Variants in IL1RAPL2 observed in about 807,000 individuals in gnomAD.
IL1RAPL2 encodes the protein X-linked interleukin-1 receptor accessory protein-like 2.
In IL1RAPL2, 3 loss-of-function variants were observed where a neutral mutation model predicts 44.1. The ratio of observed to expected loss-of-function variants is 0.07; its 90% CI spans 0.03 to 0.18. The LOEUF is 0.18. IL1RAPL2 is among the 10% of genes least tolerant of loss of function. The probability of loss-of-function intolerance (pLI) is 1.00; values close to 1 mark genes in which losing one functional copy is unlikely to be tolerated. For missense variants in IL1RAPL2, 391 were observed against 496.4 expected (o/e 0.79, Z 2.02); for synonymous variants, 181 against 178.8 (o/e 1.01, Z -0.10).
chrX:104,967,538 T>G (rs1388073208), intron 2 of IL1RAPL2, among the ~76,000 whole-genome samples: 11 of 108,544 alleles, frequency 1.0e-4, no homozygotes, highest in Non-Finnish European at 2.1e-4. Flanking sequence ...AAAAAGAAAA[T>G]AAGAGGAGGA....
chrX:104,780,604 C>T (rs1932765676), intron 2 of IL1RAPL2, among the ~76,000 whole-genome samples: 1 of 111,600 alleles, frequency 9.0e-6, no homozygotes. Context: ...TTGATGTTCT[C>T]CCTCTCTATT....
At chrX:105,112,389 C>T (rs1329736302) in intron 2 of IL1RAPL2, among the ~76,000 whole-genome samples, 1 of 112,052 alleles carries the variant, frequency 8.9e-6, no homozygotes, top group Non-Finnish European at 1.9e-5. Context: ...CACAAATATG[C>T]AAATATGTAC....
intron 2 of IL1RAPL2, among the ~76,000 whole-genome samples, chrX:104,967,499 A>G (rs1469417479): frequency 2.0e-5 from 2 of 98,838 alleles, no homozygotes; most frequent in African/African-American, 7.3e-5. Context: ...AAAGTTAGCA[A>G]AAGAACAAAA....
At chrX:104,748,209 C>A (rs1269906008) in intron 2 of IL1RAPL2, among the ~76,000 whole-genome samples, 1 of 111,382 alleles carries the variant, frequency 9.0e-6, no homozygotes, top group African/African-American at 3.3e-5. Flanking sequence ...AAGGACCATG[C>A]TAACTAAGCT....
At chrX:104,915,553 G>A (rs2147686666) in intron 2 of IL1RAPL2, among the ~76,000 whole-genome samples, 1 of 110,680 alleles carries the variant, frequency 9.0e-6, no homozygotes. Flanking sequence ...CTTTTGCTGT[G>A]CAGAAGCTCT....
chrX:105,687,455 T>C (rs210425), intron 6 of IL1RAPL2, among the ~76,000 whole-genome samples: 51,762 of 110,219 alleles, frequency 0.47, 10,193 homozygotes, highest in African/African-American at 0.75. Context: ...AATACCTCTA[T>C]GCAAATAAAC....
At chrX:104,801,907 A>G (rs191454508) in intron 2 of IL1RAPL2, among the ~76,000 whole-genome samples, 4 of 111,579 alleles carry the variant, frequency 3.6e-5, no homozygotes, top group Non-Finnish European at 7.5e-5. Flanking sequence ...TACAACAAAT[A>G]TTTTTTCTCA....
intron 2 of IL1RAPL2, among the ~76,000 whole-genome samples, chrX:104,727,517 C>T (rs1476433656): frequency 9.0e-6 from 1 of 111,306 alleles, no homozygotes; most frequent in Non-Finnish European, 1.9e-5. Flanking sequence ...TTATGGAAAA[C>T]GGTATGTAGA....
intron 5 of IL1RAPL2, among the ~76,000 whole-genome samples, chrX:105,428,969 G>T (rs1434895354): frequency 9.0e-6 from 1 of 111,296 alleles, no homozygotes; most frequent in Non-Finnish European, 1.9e-5. Flanking sequence ...ATGGAGACAC[G>T]TTCTGCCCCA....
chrX:104,954,153 C>T (rs1005611581), intron 2 of IL1RAPL2, among the ~76,000 whole-genome samples: 1 of 112,092 alleles, frequency 8.9e-6, no homozygotes, highest in Non-Finnish European at 1.9e-5. Flanking sequence ...AGAAAAACTG[C>T]GTTACCTTGA....
chrX:104,761,911 CCTTCTCCTTCTCCTTCTTCTTCTT>C (rs1569309869), intron 2 of IL1RAPL2, among the ~76,000 whole-genome samples: 66 of 40,649 alleles, frequency 1.6e-3, no homozygotes, highest in Admixed American at 3.4e-3. Flanking sequence ...TTCTCCTTCT[CCTTCTCCTTCTCCTTCTTCTTCTT>C]CTTCTTCTTC....
At chrX:105,263,647 C>T (rs759013608) in intron 4 of IL1RAPL2, among the ~76,000 whole-genome samples, 12 of 111,012 alleles carry the variant, frequency 1.1e-4, no homozygotes, top group Non-Finnish European at 1.7e-4. Context: ...ACTACTGGCA[C>T]GGGACATTTG....
At chrX:104,931,993 TATA>T (rs1348731642) in intron 2 of IL1RAPL2, among the ~76,000 whole-genome samples, 4 of 32,386 alleles carry the variant, frequency 1.2e-4, no homozygotes, top group African/African-American at 2.9e-4. Context: ...TATATATATA[TATA>T]TTTTTTTTTT....
chrX:104,752,321 T>C (rs1159706916), intron 2 of IL1RAPL2, among the ~76,000 whole-genome samples: 10 of 110,181 alleles, frequency 9.1e-5, no homozygotes, highest in African/African-American at 3.3e-4. Flanking sequence ...GAGGCTCTAA[T>C]TGATTTTGAA....
chrX:105,655,700 T>C (rs1444192848), intron 6 of IL1RAPL2, among the ~76,000 whole-genome samples: 2 of 112,478 alleles, frequency 1.8e-5, no homozygotes, highest in Non-Finnish European at 3.8e-5. Flanking sequence ...TTTTCAGTCC[T>C]TCTAAAAGTG....
chrX:105,406,829 G>A (rs1243358509), intron 5 of IL1RAPL2: 1 of 1,150,523 alleles, frequency 8.7e-7, no homozygotes, highest in Non-Finnish European at 1.2e-6. Context: ...ATGGAAGGAA[G>A]TCAGATGACA....
At chrX:105,027,154 C>G (rs1369798512) in intron 2 of IL1RAPL2, among the ~76,000 whole-genome samples, 3 of 111,360 alleles carry the variant, frequency 2.7e-5, no homozygotes, top group Non-Finnish European at 5.7e-5. Flanking sequence ...TGTCTCTCAC[C>G]ATATACAAAA....
rs187875805 is a variant in IL1RAPL2, at chrX:104,856,449, A to C, written c.82+197454A>C. On this transcript the variant is annotated intron_variant, in intron 2 of 10. Transcript: ENST00000372582. Reference sequence around the variant, plus strand: ...GTGCACATGAAAAATGGATGACAGAAATTAGTTTCTAACCAAAAGGGAATG... The same window carrying C: ...GTGCACATGAAAAATGGATGACAGACATTAGTTTCTAACCAAAAGGGAATG... Among the ~76,000 whole-genome samples the C allele has an allele frequency of 3.6e-5, 4 of 112,193 alleles. No individual in the cohort carries two copies. The Admixed American group carries it at 3.8e-4, about 11-fold the overall frequency.
chrX:105,573,307 C>T (rs1272768557), intron 6 of IL1RAPL2, among the ~76,000 whole-genome samples: 1 of 111,450 alleles, frequency 9.0e-6, no homozygotes, highest in African/African-American at 3.3e-5. Context: ...GATTCACCTG[C>T]TTCAGCCTCC....
Sources: allele counts gnomAD v4.1 joint callset (sites outside exome capture counted in the v4.1 genomes callset), GRCh38; gene constraint gnomAD v4.1.1; transcripts MANE v1.5; gene names NCBI Gene and HGNC (gene_info 2026-07-23, HGNC 2026-07-21).